The following ZFYVE26 variants were observed in gnomAD, a reference collection of about 807,000 sequenced individuals.
ZFYVE26 encodes zinc finger FYVE domain-containing protein 26.
Under a neutral mutation model 276.5 loss-of-function variants are expected in ZFYVE26, and 181 were observed. The ratio of observed to expected loss-of-function variants is 0.65; its 90% CI spans 0.58 to 0.74. The LOEUF is 0.74. Ranked by LOEUF, ZFYVE26 falls within the 30% of genes least tolerant of loss-of-function variation. The pLI, the probability that ZFYVE26 is intolerant of heterozygous loss-of-function variation, is 0.00. For missense variants in ZFYVE26, 2,821 were observed against 3,097.9 expected (o/e 0.91, Z 2.12); for synonymous variants, 1,129 against 1,203.1 (o/e 0.94, Z 1.27).
Position 67,751,061 on chromosome 14 carries a change from A to G in ZFYVE26, c.7407T>C (p.Asp2469=), listed in dbSNP as rs35106153. The G allele has an allele frequency of 3.2e-3, 5,089 of 1,614,180 alleles. 161 individuals are homozygous for G. The African/African-American group carries it at 0.06, about 19-fold the overall frequency. The part of the protein sequence containing the change: ...LEGLIQAIHN[D]DNKVRAYLIC... ...AGACAATTCCGCTCACCTTGTTGTC[A>G]TCATTGTGTATTGCCTGGATCAGGC... The change falls in exon 41 of 42, where the codon GAT becomes GAC. Residue 2469 remains aspartate, a synonymous_variant. Transcript: ENST00000347230.
chr14:67,778,230 C>T lies in ZFYVE26; in HGVS notation c.4693G>A (p.Glu1565Lys). The change falls in exon 24 of 42, where the codon GAG (glutamate) becomes AAG (lysine). Residue 1565 changes from glutamate to lysine, a missense_variant. Physicochemically the swap from Glu to Lys is moderately conservative, Grantham distance 56. Transcript: ENST00000347230. Reference protein sequence around the residue: ...LEAQEYELCEEWGCLYPIPRE... With the variant: ...LEAQEYELCEKWGCLYPIPRE... The stretch of plus-strand genomic sequence containing the variant: ...GGAATGGGGTACAGGCAGCCCCACT[C>T]TTCACACAGTTCATACTCCTGGAAG... The T allele has an allele frequency of 6.2e-7, 1 of 1,614,168 alleles. No individual in the cohort carries two copies. Among genetic ancestry groups the T allele is most frequent in the East Asian group, 2.2e-5 (1 of 44,886 alleles).
chr14:67,772,348 T>C, intron 27 of ZFYVE26, 138 bp from the exon 28 acceptor site: 1 of 1,035,238 alleles, frequency 9.7e-7, no homozygotes, highest in Non-Finnish European at 1.4e-6. Flanking sequence ...CAGTGACTGT[T>C]TGTGTCATAA....
intron 35 of ZFYVE26, among the ~76,000 whole-genome samples, chr14:67,758,140 T>A (rs1353064879): frequency 6.6e-6 from 1 of 152,186 alleles, no homozygotes; most frequent in Non-Finnish European, 1.5e-5. Context: ...GGCTATAAAG[T>A]CACAGTGGTA....
intron 3 of ZFYVE26, among the ~76,000 whole-genome samples, chr14:67,812,441 T>C (rs554155117): frequency 2.6e-5 from 4 of 152,290 alleles, no homozygotes; most frequent in Non-Finnish European, 5.9e-5. Flanking sequence ...GGTGGGAACC[T>C]GGAAAAGGAC....
chr14:67,767,903 A>T, intron 30 of ZFYVE26, 63 bp from the exon 31 acceptor site: 1 of 1,612,408 alleles, frequency 6.2e-7, no homozygotes, highest in Non-Finnish European at 8.5e-7. Flanking sequence ...AACCCAGTCC[A>T]GTGAGCTGGC....
rs17192296 is a variant in ZFYVE26, at chr14:67,816,033, T to A, written c.-70A>T. ...CCGAACACATTCTCAATGTTCTCAT[T>A]CGCGGAGTACCTCCTAGAAACAACA... is the stretch of plus-strand genomic sequence containing the variant. On this transcript the variant is annotated 5_prime_UTR_variant, in exon 2 of 42. Coordinates refer to ENST00000347230, the MANE Select transcript of ZFYVE26 (RefSeq NM_015346.4). 0.037 allele frequency: 48,957 copies of A among 1,314,466 alleles called. 1,102 individuals carry two copies. Among genetic ancestry groups the A allele is most frequent in the Non-Finnish European group, 0.044 (41,859 of 952,696 alleles). The allele number at this position is 1,314,466 out of a possible 1,614,324, so 81.4% of individuals were successfully genotyped here. A position where few individuals can be genotyped will look rare whatever the true frequency, so the allele number is the denominator to read the frequency against.
chr14:67,748,030 C>T lies in ZFYVE26; in HGVS notation c.*406G>A, dbSNP rs930523735. Reference sequence around the variant, plus strand: ...ACTATACAAACAGGACAACCCGGGTCAAGAACCAAAACGCAGGGAAGGTTT... The same window carrying T: ...ACTATACAAACAGGACAACCCGGGTTAAGAACCAAAACGCAGGGAAGGTTT... On this transcript the variant is annotated 3_prime_UTR_variant, in exon 42 of 42. Transcript: ENST00000347230. The T allele has an allele frequency of 1.6e-5, 4 of 243,412 alleles. No homozygotes were observed. The highest frequency in any genetic ancestry group is 3.2e-5 in the Non-Finnish European group (4 of 123,506). The allele number at this position is 243,412 out of a possible 1,614,324, so 15.1% of individuals were successfully genotyped here. A position where few individuals can be genotyped will look rare whatever the true frequency, so the allele number is the denominator to read the frequency against.
chr14:67,775,750 T>C, intron 26 of ZFYVE26, 110 bp downstream of exon 26: 3 of 1,500,220 alleles, frequency 2.0e-6, no homozygotes, highest in East Asian at 4.5e-5. Flanking sequence ...AGTGTATTCA[T>C]TCACTCTAGA....
At chr14:67,752,203 G>C (rs775019254) in intron 40 of ZFYVE26, 141 bp downstream of exon 40, 18 of 1,103,420 alleles carry the variant, frequency 1.6e-5, no homozygotes, top group Non-Finnish European at 2.0e-5. Context: ...ATTATGGTGA[G>C]GCCATTATTG....
downstream of ZFYVE26, among the ~76,000 whole-genome samples, chr14:67,744,535 T>C (rs769138858): frequency 2.0e-5 from 3 of 152,140 alleles, no homozygotes; most frequent in Non-Finnish European, 4.4e-5. Flanking sequence ...CCTGCACGCA[T>C]TAGGTATTTG....
rs372055478 is a variant in ZFYVE26 at position 67,807,552 on chromosome 14, T to C, written c.732A>G (p.Leu244=). Residue 244 remains leucine, a synonymous_variant, in exon 5 of 42, where the codon CTA becomes CTG. Coordinates refer to ENST00000347230, the MANE Select transcript of ZFYVE26 (RefSeq NM_015346.4). ...VELHLLCEEL[L]EACRTEGSPL... is the part of the protein sequence containing the mutation. ...GACTCCCCTCGGTCCTGCAGGCCTC[T>C]AGTAGTTCCTCACACAGGAGATGCA... 5.0e-6 allele frequency: 8 copies of C among 1,614,072 alleles called. No homozygotes were observed. In the African/African-American group the frequency reaches 6.7e-5, roughly 13 times the overall value.
chr14:67,785,724 GC>G, intron 18 of ZFYVE26, 133 bp downstream of exon 18: 2 of 1,202,184 alleles, frequency 1.7e-6, no homozygotes. Flanking sequence ...ATTGAGACAT[GC>G]CCTGGCTAAC....
At chr14:67,798,870 C>T (rs1594931117) in intron 10 of ZFYVE26, 14 of 865,984 alleles carry the variant, frequency 1.6e-5, no homozygotes, top group Non-Finnish European at 2.5e-5. Flanking sequence ...CCAACCGGGC[C>T]TCCCCAGCCT....
At chr14:67,809,713 C>T (rs866495494) in intron 3 of ZFYVE26, among the ~76,000 whole-genome samples, 4 of 150,620 alleles carry the variant, frequency 2.7e-5, no homozygotes, top group Admixed American at 1.3e-4. Context: ...TGAGCTACCA[C>T]GCCTGGCCTA....
In ZFYVE26 at chr14:67,790,475, T is replaced by G; in HGVS notation, c.2755+97A>C. The stretch of plus-strand genomic sequence containing the variant: ...CAGGTGTCCTGTATTTAATTTCTGC[T>G]CACCCTCATGAGGAGCCTAGGATTT... On this transcript the variant is annotated intron_variant, in intron 15 of 41. Transcript: ENST00000347230. The G allele has an allele frequency of 2.2e-5, 29 of 1,321,868 alleles. No homozygotes were observed. In the South Asian group the frequency reaches 3.3e-4, roughly 15 times the overall value. The allele number at this position is 1,321,868 out of a possible 1,614,324, so 81.9% of individuals were successfully genotyped here.
At chr14:67,779,392 G>C (rs2039435965) in intron 23 of ZFYVE26, among the ~76,000 whole-genome samples, 1 of 152,012 alleles carries the variant, frequency 6.6e-6, no homozygotes, top group East Asian at 1.9e-4. Flanking sequence ...GCAAAACTCT[G>C]TCTCTATTAA....
At chr14:67,786,659 A>G (rs2039667279) in intron 16 of ZFYVE26, among the ~76,000 whole-genome samples, 2 of 152,226 alleles carry the variant, frequency 1.3e-5, no homozygotes, top group Non-Finnish European at 2.9e-5. Flanking sequence ...CTATACTCCC[A>G]TATGCTCAGG....
intron 35 of ZFYVE26, chr14:67,756,459 G>C: frequency 2.4e-6 from 1 of 419,344 alleles, no homozygotes; most frequent in South Asian, 2.4e-5. Flanking sequence ...CTGCCCCTTA[G>C]GTCACCAGTG....
intron 10 of ZFYVE26, chr14:67,799,276 C>T (rs556496828): frequency 6.9e-5 from 111 of 1,613,248 alleles, no homozygotes; most frequent in Non-Finnish European, 9.0e-5. Context: ...CTGTGCTTTG[C>T]GTGCAGTACA....
Sources: gnomAD v4.1 joint callset for allele counts (sites outside exome capture counted in the v4.1 genomes callset) on GRCh38, gnomAD v4.1.1 for gene constraint, MANE v1.5 for transcripts, NCBI Gene and HGNC (gene_info 2026-07-23, HGNC 2026-07-21) for gene names.